Variants in CSMD1 observed in about 807,000 individuals in gnomAD.
CSMD1 encodes CUB and Sushi multiple domains 1.
A neutral mutation model predicts 417.5 loss-of-function variants in CSMD1; 213 were observed. The observed-to-expected ratio is 0.51, with a 90% CI of 0.46 to 0.57. The LOEUF is 0.57. Among genes scored for constraint, CSMD1 ranks in the 20% least tolerant of loss-of-function variants. The pLI, the probability that CSMD1 is intolerant of heterozygous loss-of-function variation, is 0.00. For missense variants in CSMD1, 6,923 were observed against 4,529.7 expected, an observed-to-expected ratio of 1.53 and a Z score of -15.17; for synonymous variants, 2,862 against 1,736.8, an observed-to-expected ratio of 1.65 and a Z score of -16.11.
At chr8:4,299,830 C>A (rs529900886) in intron 3 of CSMD1, among the ~76,000 whole-genome samples, 1 of 152,090 alleles carries the variant, frequency 6.6e-6, no homozygotes, top group East Asian at 1.9e-4. Context: ...GGGTTTTCAC[C>A]TTCTTGGCCA....
intron 6 of CSMD1, among the ~76,000 whole-genome samples, chr8:3,709,686 T>G (rs1466824239): frequency 1.1e-4 from 12 of 111,664 alleles, no homozygotes; most frequent in Non-Finnish European, 1.4e-4. Context: ...GCATGTTTTT[T>G]TTTTTTTTTT....
intron 10 of CSMD1, among the ~76,000 whole-genome samples, chr8:3,519,724 G>C (rs1217949289): frequency 1.3e-5 from 2 of 152,072 alleles, no homozygotes; most frequent in Non-Finnish European, 2.9e-5. Flanking sequence ...TATACAATGG[G>C]GTTGTGTTTT....
At chr8:3,538,301 A>C (rs1156938683) in intron 10 of CSMD1, among the ~76,000 whole-genome samples, 3 of 152,118 alleles carry the variant, frequency 2.0e-5, no homozygotes, top group African/African-American at 4.8e-5. Flanking sequence ...GCTTCACCTG[A>C]GATGGTACAC....
intron 1 of CSMD1, among the ~76,000 whole-genome samples, chr8:4,818,646 T>A (rs1367068045): frequency 6.6e-6 from 1 of 152,156 alleles, no homozygotes; most frequent in Admixed American, 6.6e-5. Flanking sequence ...GGAAATAATA[T>A]CTTTAGAGAA....
At chr8:4,964,292 T>C (rs747164492) in intron 1 of CSMD1, among the ~76,000 whole-genome samples, 5 of 151,606 alleles carry the variant, frequency 3.3e-5, no homozygotes, top group Non-Finnish European at 5.9e-5. Flanking sequence ...GGGGGGCAAA[T>C]TGCTTAAGTC....
At chr8:4,720,991 T>G (rs990213649) in intron 1 of CSMD1, among the ~76,000 whole-genome samples, 10 of 152,186 alleles carry the variant, frequency 6.6e-5, no homozygotes, top group African/African-American at 2.4e-4. Flanking sequence ...AATTTTTATT[T>G]GAATGGAATT....
At chr8:4,220,212 G>A (rs891657140) in intron 3 of CSMD1, among the ~76,000 whole-genome samples, 2 of 152,088 alleles carry the variant, frequency 1.3e-5, no homozygotes, top group Admixed American at 6.5e-5. Context: ...TCGCCTCTCA[G>A]AGTGCCGGGA....
At chr8:4,151,979 G>A (rs542334179) in intron 3 of CSMD1, among the ~76,000 whole-genome samples, 2 of 152,208 alleles carry the variant, frequency 1.3e-5, no homozygotes, top group East Asian at 1.9e-4. Context: ...AATCCTTCCT[G>A]CTTGTGGTTT....
chr8:4,464,141 C>A (rs943293490), intron 2 of CSMD1, among the ~76,000 whole-genome samples: 1 of 146,552 alleles, frequency 6.8e-6, no homozygotes, highest in Non-Finnish European at 1.5e-5. Flanking sequence ...AAGGCTTATC[C>A]CTCCAGCTGG....
chr8:3,713,125 G>A (rs1036092788), intron 6 of CSMD1, among the ~76,000 whole-genome samples: 1 of 152,006 alleles, frequency 6.6e-6, no homozygotes, highest in Non-Finnish European at 1.5e-5. Context: ...AAATTATGGG[G>A]GAAATATTTT....
Position 4,920,896 on chromosome 8 carries a change from G to C in CSMD1, c.85+73436C>G, listed in dbSNP as rs1298714724. On this transcript the variant is annotated intron_variant, in intron 1 of 69. Coordinates refer to ENST00000635120, the MANE Select transcript of CSMD1 (RefSeq NM_033225.6). ...GAAAAGAAAAGAAAAGAAAAGAAAA[G>C]AAAAGAAAAGAAAAGAAAAGAAAAG... Among the ~76,000 whole-genome samples, 2 of 37,544 alleles carry C rather than the reference G, an allele frequency of 5.3e-5. 1 individual carries two copies. Among genetic ancestry groups the C allele is most frequent in the Non-Finnish European group, 1.2e-4 (2 of 16,126 alleles). The allele number at this position is 37,544 out of a possible 152,430, so 24.6% of individuals were successfully genotyped here.
chr8:3,591,560 T>A (rs17395764), intron 8 of CSMD1, among the ~76,000 whole-genome samples: 6 of 152,166 alleles, frequency 3.9e-5, no homozygotes, highest in African/African-American at 1.4e-4. Context: ...TTGACTTAGC[T>A]GTCCGCTGTT....
At chr8:2,966,888 A>G (rs1365904176) in intron 57 of CSMD1, 142 bp from the exon 58 acceptor site, 12 of 677,316 alleles carry the variant, frequency 1.8e-5, no homozygotes, top group Non-Finnish European at 3.0e-5. Context: ...GAAGTTCCTT[A>G]ACATATGGCT....
At chr8:4,439,793 G>C (rs1221489867) in intron 2 of CSMD1, among the ~76,000 whole-genome samples, 2 of 152,140 alleles carry the variant, frequency 1.3e-5, no homozygotes, top group East Asian at 1.9e-4. Flanking sequence ...TAGTGACTTT[G>C]AGAAGAGATG....
chr8:3,876,389 T>C (rs1209554882), intron 5 of CSMD1, among the ~76,000 whole-genome samples: 1 of 152,206 alleles, frequency 6.6e-6, no homozygotes, highest in African/African-American at 2.4e-5. Context: ...TCAATAAACT[T>C]TCCTGTATTT....
intron 3 of CSMD1, among the ~76,000 whole-genome samples, chr8:4,132,326 G>A (rs374313396): frequency 5.9e-4 from 89 of 151,606 alleles, no homozygotes; most frequent in African/African-American, 1.9e-3. Context: ...AAGACACAAA[G>A]GAGAATATAA....
At chr8:4,079,998 T>C (rs991512069) in intron 3 of CSMD1, among the ~76,000 whole-genome samples, 1 of 149,610 alleles carries the variant, frequency 6.7e-6, no homozygotes, top group Non-Finnish European at 1.5e-5. Context: ...TGTTCGAATA[T>C]TGGTGTTTTT....
chr8:3,246,494 CAG>C (rs111997121), intron 26 of CSMD1, among the ~76,000 whole-genome samples: 7 of 152,018 alleles, frequency 4.6e-5, no homozygotes, highest in African/African-American at 1.4e-4. Flanking sequence ...TTTTTTGTGA[CAG>C]AGTCTCACTC....
At chr8:3,120,704 A>AGGG (rs138705631) in intron 41 of CSMD1, among the ~76,000 whole-genome samples, 4,514 of 148,864 alleles carry the variant, frequency 0.03, 245 homozygotes, top group African/African-American at 0.11. Context: ...AAAATTAGCC[A>AGGG]GGGGGGGTGA....
Sources: gnomAD v4.1 joint callset for allele counts (sites outside exome capture counted in the v4.1 genomes callset) on GRCh38, gnomAD v4.1.1 for gene constraint, MANE v1.5 for transcripts, NCBI Gene and HGNC (gene_info 2026-07-23, HGNC 2026-07-21) for gene names.